Variants in TGFBR3 observed in about 807,000 individuals in gnomAD.
TGFBR3 encodes the protein transforming growth factor beta receptor type 3.
TGFBR3 carries 46 observed loss-of-function variants against 87.9 expected under a neutral mutation model. That is an observed-to-expected ratio of 0.52 (90% CI 0.41 to 0.67). The LOEUF (loss-of-function observed/expected upper bound fraction) is 0.67, where lower values mean the gene tolerates loss of function less well. Ranked by LOEUF, TGFBR3 falls within the 30% of genes least tolerant of loss-of-function variation. TGFBR3 has a pLI of 0.00. For synonymous variants in TGFBR3, 381 were observed against 391.6 expected (o/e 0.97, Z 0.32); for missense variants, 866 against 1,041.9 (o/e 0.83, Z 2.32).
intron 3 of TGFBR3, among the ~76,000 whole-genome samples, chr1:91,771,790 A>G (rs1674387599): frequency 6.6e-6 from 1 of 152,090 alleles, no homozygotes; most frequent in Non-Finnish European, 1.5e-5. Flanking sequence ...ATATAAACTT[A>G]TATTTGGGAA....
intron 2 of TGFBR3, among the ~76,000 whole-genome samples, chr1:91,826,162 CGA>C (rs1174992338): frequency 6.6e-6 from 1 of 151,958 alleles, no homozygotes; most frequent in African/African-American, 2.4e-5. Context: ...CTCCCAGAGT[CGA>C]GAGAGAGTGA....
At chr1:91,851,320 G>C (rs1677723300) in intron 2 of TGFBR3, among the ~76,000 whole-genome samples, 1 of 152,216 alleles carries the variant, frequency 6.6e-6, no homozygotes, top group Non-Finnish European at 1.5e-5. Flanking sequence ...TGACTAGATT[G>C]AAGTTCAGGA....
intron 2 of TGFBR3, among the ~76,000 whole-genome samples, chr1:91,896,606 C>A (rs775851819): frequency 1.3e-5 from 2 of 152,136 alleles, no homozygotes; most frequent in Non-Finnish European, 2.9e-5. Flanking sequence ...ATAAATCAAA[C>A]CCCCTAGGCT....
chr1:91,866,862 G>C (rs12569180), intron 1 of TGFBR3: 38,494 of 152,238 alleles, frequency 0.25, 5,427 homozygotes, highest in Non-Finnish European at 0.31. Context: ...AAAGAGAAGA[G>C]GAATAAGTTC....
rs770412112 is a variant in TGFBR3 at position 91,861,572 on chromosome 1, C to G, written c.-41G>C. The G allele has an allele frequency of 2.0e-6, 3 of 1,506,014 alleles. No homozygotes were observed. Among genetic ancestry groups the G allele is most frequent in the Non-Finnish European group, 2.8e-6 (3 of 1,081,910 alleles). 93.3% of individuals were successfully genotyped at this position (1,506,014 alleles called of 1,614,324 possible). A position where few individuals can be genotyped will look rare whatever the true frequency, so the allele number is the denominator to read the frequency against. Reference sequence around the variant, plus strand: ...AGTGCGTCTCGTCCAGTCACTTCAGCCTGCTCAGAGCACAGACAATCTTTG... The same window carrying G: ...AGTGCGTCTCGTCCAGTCACTTCAGGCTGCTCAGAGCACAGACAATCTTTG... On this transcript the variant is annotated 5_prime_UTR_variant, in exon 2 of 17. Transcript: ENST00000212355.
At chr1:91,845,043 A>C (rs1318992989) in intron 2 of TGFBR3, among the ~76,000 whole-genome samples, 1 of 152,260 alleles carries the variant, frequency 6.6e-6, no homozygotes, top group South Asian at 2.1e-4. Flanking sequence ...CTGTACACCC[A>C]GGAATAAATT....
chr1:91,695,747 T>C lies in TGFBR3; in HGVS notation c.2362A>G (p.Met788Val). The change falls in exon 16 of 17, where the codon ATG becomes GTG. Residue 788 changes from methionine (M) to valine (V), a missense_variant. Met to Val is a conservative substitution (Grantham distance 21, BLOSUM62 1). Coordinates refer to ENST00000212355, the MANE Select transcript of TGFBR3 (RefSeq NM_003243.5). ...ACAAAGGCTGCAAACGCAATGCCCA[T>C]CACGGTTAGGGTGTCCAGACCATGG... ...IFHGLDTLTVMGIAFAAFVIG... is the reference protein window; with the variant it reads ...IFHGLDTLTVVGIAFAAFVIG... 6.2e-7 allele frequency: 1 copy of C among 1,614,148 alleles called. No homozygotes were observed. Among genetic ancestry groups the C allele is most frequent in the Non-Finnish European group, 8.5e-7 (1 of 1,179,996 alleles).
chr1:91,734,489 TC>T (rs1489784740), intron 5 of TGFBR3, among the ~76,000 whole-genome samples: 4 of 152,182 alleles, frequency 2.6e-5, no homozygotes, highest in African/African-American at 9.7e-5. Flanking sequence ...TTTTTTGACT[TC>T]TGTGCATGGG....
intron 2 of TGFBR3, among the ~76,000 whole-genome samples, chr1:91,815,108 C>A (rs1676169150): frequency 6.6e-6 from 1 of 152,106 alleles, no homozygotes; most frequent in African/African-American, 2.4e-5. Context: ...TCAAGACTAG[C>A]CTGGCCAACA....
chr1:91,861,604 A>G lies in TGFBR3; in HGVS notation c.-73T>C. 8.1e-7 allele frequency: 1 copy of G among 1,232,244 alleles called. No individual in the cohort carries two copies. The highest frequency in any genetic ancestry group is 1.2e-6 in the Non-Finnish European group (1 of 832,746). The allele number at this position is 1,232,244 out of a possible 1,614,324, so 76.3% of individuals were successfully genotyped here. ...AGAGCACAGACAATCTTTGCAAATCAGAAGTAGTCTTAAAGTCCCTCCTTG... is the reference window on the plus strand; with the variant it reads ...AGAGCACAGACAATCTTTGCAAATCGGAAGTAGTCTTAAAGTCCCTCCTTG... On this transcript the variant is annotated 5_prime_UTR_variant, in exon 2 of 17. Transcript: ENST00000212355.
At chr1:91,815,186 C>T (rs959843952) in intron 2 of TGFBR3, among the ~76,000 whole-genome samples, 2 of 152,012 alleles carry the variant, frequency 1.3e-5, no homozygotes, top group Non-Finnish European at 2.9e-5. Flanking sequence ...CCTGTAATCC[C>T]GGCTACTTGG....
intron 12 of TGFBR3, among the ~76,000 whole-genome samples, chr1:91,714,952 C>T (rs949205397): frequency 1.3e-5 from 2 of 152,216 alleles, no homozygotes; most frequent in Non-Finnish European, 2.9e-5. Context: ...CGGGCTCTGT[C>T]CCAGAGTCAG....
chr1:91,808,977 A>G (rs1675934334), intron 2 of TGFBR3, among the ~76,000 whole-genome samples: 1 of 152,224 alleles, frequency 6.6e-6, no homozygotes, highest in African/African-American at 2.4e-5. Flanking sequence ...CTCCTACCCT[A>G]TGAATTTGGC....
chr1:91,869,770 G>A (rs1400694055), intron 1 of TGFBR3, among the ~76,000 whole-genome samples: 5 of 152,220 alleles, frequency 3.3e-5, no homozygotes, highest in Admixed American at 3.3e-4. Context: ...AGGAAAAGGA[G>A]GCAGGAGTGC....
At chr1:91,721,803 T>C (rs1302234660) in intron 8 of TGFBR3, 152 bp downstream of exon 8, 8 of 693,040 alleles carry the variant, frequency 1.2e-5, no homozygotes, top group Non-Finnish European at 1.9e-5. Flanking sequence ...AATCTCTGTC[T>C]AGGTAATTTT....
intron 4 of TGFBR3, among the ~76,000 whole-genome samples, chr1:91,755,341 G>A (rs753352400): frequency 5.3e-5 from 8 of 152,066 alleles, no homozygotes; most frequent in Non-Finnish European, 1.0e-4. Context: ...GAGTGGCCCA[G>A]CTTGTGCAAG....
chr1:91,896,882 A>C (rs1435911234), intron 2 of TGFBR3, among the ~76,000 whole-genome samples: 2 of 150,846 alleles, frequency 1.3e-5, no homozygotes, highest in Non-Finnish European at 2.9e-5. Context: ...GCCCTCATTA[A>C]TGTACACATC....
chr1:91,752,688 G>A (rs17573483), intron 4 of TGFBR3, among the ~76,000 whole-genome samples: 18,215 of 151,450 alleles, frequency 0.12, 1,475 homozygotes, highest in Non-Finnish European at 0.17. Context: ...TTGCAGGAGA[G>A]AATGCTCAAG....
At chr1:91,902,055 A>C (rs1679732174) in intron 1 of TGFBR3, among the ~76,000 whole-genome samples, 1 of 152,162 alleles carries the variant, frequency 6.6e-6, no homozygotes, top group South Asian at 2.1e-4. Flanking sequence ...AACTTACATA[A>C]TACTAGCATG....
Sources: allele counts gnomAD v4.1 joint callset (sites outside exome capture counted in the v4.1 genomes callset), GRCh38; gene constraint gnomAD v4.1.1; transcripts MANE v1.5; gene names NCBI Gene and HGNC (gene_info 2026-07-23, HGNC 2026-07-21).